Variants in OXR1 observed in about 807,000 individuals in gnomAD.
OXR1 encodes oxidation resistance protein 1.
OXR1 carries 41 observed loss-of-function variants against 104.6 expected under a neutral mutation model. The ratio of observed to expected loss-of-function variants is 0.39; its 90% CI spans 0.31 to 0.51. The LOEUF (loss-of-function observed/expected upper bound fraction) is 0.51. OXR1 is among the 20% of genes least tolerant of loss of function. The pLI, the probability that OXR1 is intolerant of heterozygous loss-of-function variation, is 0.77. For missense variants in OXR1, 955 were observed against 1,031.9 expected (o/e 0.93, Z 1.02); for synonymous variants, 348 against 348.4 (o/e 1.00, Z 0.01).
At chr8:106,663,575 G>C (rs1221048612) in intron 3 of OXR1, among the ~76,000 whole-genome samples, 1 of 152,186 alleles carries the variant, frequency 6.6e-6, no homozygotes, top group African/African-American at 2.4e-5. Context: ...GGAGGACCAA[G>C]TGCCTCTAAG....
At chr8:106,366,786 G>A (rs895223425) in intron 2 of OXR1, among the ~76,000 whole-genome samples, 2 of 151,752 alleles carry the variant, frequency 1.3e-5, no homozygotes, top group Non-Finnish European at 2.9e-5. Context: ...TTCCTGTTAA[G>A]TGGAAATGGT....
chr8:106,644,906 A>C (rs1303694480), intron 3 of OXR1, among the ~76,000 whole-genome samples: 1 of 152,204 alleles, frequency 6.6e-6, no homozygotes, highest in Non-Finnish European at 1.5e-5. Context: ...GTATAGTTGG[A>C]GAATTTTAAT....
At chr8:106,522,625 G>C (rs1370275610) in intron 3 of OXR1, 1 of 152,140 alleles carries the variant, frequency 6.6e-6, no homozygotes, top group African/African-American at 2.4e-5. Flanking sequence ...ACCATGTCAG[G>C]CTGTGGTTCA....
At chr8:106,312,710 A>T (rs1813760762) in intron 1 of OXR1, among the ~76,000 whole-genome samples, 1 of 152,210 alleles carries the variant, frequency 6.6e-6, no homozygotes, top group Non-Finnish European at 1.5e-5. Flanking sequence ...TGAAAATAAC[A>T]AATGTCAGTT....
intron 3 of OXR1, among the ~76,000 whole-genome samples, chr8:106,553,596 G>C (rs950645871): frequency 6.6e-6 from 1 of 152,016 alleles, no homozygotes; most frequent in East Asian, 1.9e-4. Flanking sequence ...CTGAGATTAC[G>C]GGTGTGAGCC....
chr8:106,664,065 G>C (rs190961848), intron 3 of OXR1, among the ~76,000 whole-genome samples: 1 of 152,156 alleles, frequency 6.6e-6, no homozygotes, highest in East Asian at 1.9e-4. Context: ...CTACTTGATC[G>C]GCAACCTCAG....
chr8:106,339,562 A>C (rs1815154532), intron 1 of OXR1, among the ~76,000 whole-genome samples: 1 of 138,062 alleles, frequency 7.2e-6, no homozygotes, highest in Non-Finnish European at 1.6e-5. Flanking sequence ...ATATAAAACG[A>C]AATCACAGAT....
At chr8:106,436,993 A>G (rs937984464) in intron 2 of OXR1, among the ~76,000 whole-genome samples, 2 of 151,820 alleles carry the variant, frequency 1.3e-5, no homozygotes, top group Non-Finnish European at 3.0e-5. Context: ...GCTGAGCAAA[A>G]CAAACAAACA....
Position 106,707,156 on chromosome 8 carries a change from T to G in OXR1, c.1624+11T>G. ...ATGGACACATAGAAAGTAAGTGTTA[T>G]AGAGTAAATGAAGTTAGTTCATCCA... is the stretch of plus-strand genomic sequence containing the variant. On this transcript the variant is annotated intron_variant, in intron 9 of 16. Transcript: ENST00000517566. The G allele has an allele frequency of 6.2e-7, 1 of 1,610,630 alleles. No individual in the cohort carries two copies.
At chr8:106,339,987 A>G (rs1273835304) in intron 1 of OXR1, among the ~76,000 whole-genome samples, 1 of 152,116 alleles carries the variant, frequency 6.6e-6, no homozygotes, top group African/African-American at 2.4e-5. Flanking sequence ...AATTTTTTGC[A>G]TTTCTGTAAT....
intron 11 of OXR1, among the ~76,000 whole-genome samples, chr8:106,727,231 C>A (rs897526190): frequency 7.4e-6 from 1 of 135,578 alleles, no homozygotes; most frequent in African/African-American, 3.4e-5. Context: ...TGAAGCTATT[C>A]ATACATTTTT....
At chr8:106,489,902 A>G (rs2444322) in intron 2 of OXR1, among the ~76,000 whole-genome samples, 16,227 of 152,168 alleles carry the variant, frequency 0.11, 944 homozygotes, top group African/African-American at 0.14. Flanking sequence ...TAAGGTGATC[A>G]TATAATTTTT....
intron 3 of OXR1, among the ~76,000 whole-genome samples, chr8:106,567,453 C>T (rs7826885): frequency 0.18 from 27,195 of 152,046 alleles, 2,561 homozygotes; most frequent in East Asian, 0.34. Flanking sequence ...GTGCTTACTT[C>T]AGTGAGGAAT....
chr8:106,675,262 A>G (rs925533997), intron 3 of OXR1, among the ~76,000 whole-genome samples: 1 of 152,182 alleles, frequency 6.6e-6, no homozygotes. Context: ...ATCAGACAAA[A>G]ACAAATCAAT....
intron 2 of OXR1, among the ~76,000 whole-genome samples, chr8:106,427,223 G>A (rs909319306): frequency 2.0e-5 from 3 of 152,036 alleles, no homozygotes; most frequent in African/African-American, 7.3e-5. Flanking sequence ...CCAGGCTGGA[G>A]TGCAGTGGCC....
In OXR1 at chr8:106,737,538, TATCACCGCAGG is replaced by T. The variant is rs1000096979; in HGVS notation, c.1979_1989del (p.His660ArgfsTer6). ...TATTTAGGTAGTGTCAGTGGCTGAG[TATCACCGCAGG>T]ATCGATGCTCTAAATACTGAAGAAC... On this transcript the variant is annotated frameshift_variant, in exon 12 of 17. Coordinates refer to ENST00000517566, the MANE Select transcript of OXR1 (RefSeq NM_001198533.2). LOFTEE classifies it high-confidence loss of function. 3.6e-6 allele frequency: 5 copies of T among 1,390,750 alleles called. No homozygotes were observed. The African/African-American group carries it at 7.4e-5, about 21-fold the overall frequency. 86.2% of individuals were successfully genotyped at this position (1,390,750 alleles called of 1,614,324 possible).
At chr8:106,339,513 AAAAAAAATATAT>A (rs1344957166) in intron 1 of OXR1, among the ~76,000 whole-genome samples, 23 of 38,158 alleles carry the variant, frequency 6.0e-4, no homozygotes, top group African/African-American at 3.5e-3. Context: ...AAAAAAAAAA[AAAAAAAATATAT>A]ATATATATAT....
chr8:106,461,918 G>C (rs1293686167), intron 2 of OXR1, among the ~76,000 whole-genome samples: 3 of 152,128 alleles, frequency 2.0e-5, no homozygotes, highest in Non-Finnish European at 2.9e-5. Flanking sequence ...GATGCAACAT[G>C]AACTTGCATT....
intron 1 of OXR1, among the ~76,000 whole-genome samples, chr8:106,351,194 G>A (rs1027655506): frequency 6.6e-6 from 1 of 152,064 alleles, no homozygotes; most frequent in Non-Finnish European, 1.5e-5. Context: ...TTCAACAAAT[G>A]TTGATTGAAT....
Sources: allele counts gnomAD v4.1 joint callset (sites outside exome capture counted in the v4.1 genomes callset), GRCh38; gene constraint gnomAD v4.1.1; transcripts MANE v1.5; gene names NCBI Gene and HGNC (gene_info 2026-07-23, HGNC 2026-07-21).